The following KIF14 variants were observed in gnomAD, a reference collection of about 807,000 sequenced individuals.
KIF14 encodes kinesin-like protein KIF14.
In KIF14, 98 loss-of-function variants were observed where a neutral mutation model predicts 176.2. The ratio of observed to expected loss-of-function variants is 0.56; its 90% confidence interval spans 0.47 to 0.66. The LOEUF (loss-of-function observed/expected upper bound fraction) is 0.66, where lower values mean the gene tolerates loss of function less well. Among genes scored for constraint, KIF14 ranks in the 30% least tolerant of loss-of-function variants. The probability of loss-of-function intolerance (pLI) is 0.00; values close to 1 mark genes in which losing one functional copy is unlikely to be tolerated. For missense variants in KIF14, 1,751 were observed against 1,920.4 expected (o/e 0.91, Z 1.65); for synonymous variants, 566 against 632.2 (o/e 0.90, Z 1.57).
chr1:200,577,858 A>T (rs1419453298), intron 21 of KIF14, among the ~76,000 whole-genome samples: 1 of 152,128 alleles, frequency 6.6e-6, no homozygotes, highest in Non-Finnish European at 1.5e-5. Flanking sequence ...GTTCTAGAAT[A>T]GTTTAAACAG....
chr1:200,600,868 A>G (rs183233325), intron 11 of KIF14, among the ~76,000 whole-genome samples: 1 of 152,230 alleles, frequency 6.6e-6, no homozygotes, highest in East Asian at 1.9e-4. Flanking sequence ...AAGATCAAAG[A>G]TTTTTCAAGC....
chr1:200,600,297 G>C, intron 12 of KIF14, 59 bp downstream of exon 12: 1 of 1,538,822 alleles, frequency 6.5e-7, no homozygotes, highest in Non-Finnish European at 9.0e-7. Flanking sequence ...TGAGGTCCCT[G>C]CCATTCCTAT....
chr1:200,596,730 A>G (rs1331880991), intron 14 of KIF14, among the ~76,000 whole-genome samples: 1 of 151,436 alleles, frequency 6.6e-6, no homozygotes, highest in Non-Finnish European at 1.5e-5. Context: ...ATGCCGGGCT[A>G]ATTTTTGTAT....
intron 6 of KIF14, among the ~76,000 whole-genome samples, 200 bp downstream of exon 6, chr1:200,606,546 T>C (rs1432507218): frequency 8.5e-5 from 13 of 152,156 alleles, no homozygotes; most frequent in Non-Finnish European, 2.9e-5. Flanking sequence ...CATGCAAGTA[T>C]TAAAACAAGT....
chr1:200,618,218 T>G lies in KIF14; in HGVS notation c.506A>C (p.Asn169Thr). Residue 169 changes from asparagine (N) to threonine (T), a missense_variant, in exon 2 of 30, where the codon AAT becomes ACT. Transcript: ENST00000367350. ...AGAGGCAACAAAAGAGTTTTTAGCA[T>G]TATTTACAATCCTTACATTTGTTCT... is the stretch of plus-strand genomic sequence containing the variant. ...ESRTNVRIVN[N>T]AKNSFVASSV... 1 of 1,614,020 alleles carries G rather than the reference T, an allele frequency of 6.2e-7. No homozygotes were observed. The highest frequency in any genetic ancestry group is 1.3e-5 in the African/African-American group (1 of 75,068).
Position 200,565,034 on chromosome 1 carries a change from G to T in KIF14, c.4071+35C>A, listed in dbSNP as rs533159407. The T allele has an allele frequency of 1.3e-4, 199 of 1,498,336 alleles. 5 individuals carry two copies. In the South Asian group the frequency reaches 2.0e-3, roughly 15 times the overall value. The allele number at this position is 1,498,336 out of a possible 1,614,324, so 92.8% of individuals were successfully genotyped here. A position where few individuals can be genotyped will look rare whatever the true frequency, so the allele number is the denominator to read the frequency against. ...GAAAGCCAATAAATAATTATTAAAT[G>T]AATCCTTCAAATGATAATAAGCAAA... On this transcript the variant is annotated intron_variant, in intron 25 of 29. Transcript: ENST00000367350.
intron 2 of KIF14, 111 bp downstream of exon 2, chr1:200,617,501 T>C: frequency 9.7e-7 from 1 of 1,033,840 alleles, no homozygotes; most frequent in East Asian, 2.4e-5. Flanking sequence ...ATAAAAGTAT[T>C]GCCAACAAGT....
chr1:200,617,676 C>T lies in KIF14; in HGVS notation c.1048G>A (p.Asp350Asn). 1 of 1,614,170 alleles carries T rather than the reference C, an allele frequency of 6.2e-7. No individual in the cohort carries two copies. Among genetic ancestry groups the T allele is most frequent in the South Asian group, 1.1e-5 (1 of 91,088 alleles). Residue 350 changes from aspartate (D) to asparagine (N), a missense_variant, in exon 2 of 30, where the codon GAC becomes AAC. Asp to Asn is a conservative substitution (Grantham distance 23). Transcript: ENST00000367350. The part of the protein sequence containing the change: ...TVVQNTSAGK[D>N]PLKVENSQVT... Reference sequence around the variant, plus strand: ...TGACTATTCTCTACTTTTAAGGGGTCTTTTCCTGCAGAGGTGTTCTGAACT... The same window carrying T: ...TGACTATTCTCTACTTTTAAGGGGTTTTTTCCTGCAGAGGTGTTCTGAACT...
intron 25 of KIF14, among the ~76,000 whole-genome samples, chr1:200,564,567 A>G (rs116324008): frequency 0.011 from 1,677 of 152,274 alleles, 21 homozygotes; most frequent in African/African-American, 0.037. Context: ...CCTTGTCTCT[A>G]TGTCAGCAGA....
In KIF14 at chr1:200,553,302, CT is replaced by C; in HGVS notation, c.*85del. ...TTTTGAAATATCTGTGCTGATTTCT[CT>C]TAAACTCTCCTGCATAAAGAAAATT... On this transcript the variant is annotated 3_prime_UTR_variant, in exon 30 of 30. Coordinates refer to ENST00000367350, the MANE Select transcript of KIF14 (RefSeq NM_014875.3). 7.3e-7 allele frequency: 1 copy of C among 1,373,014 alleles called. No homozygotes were observed. Among genetic ancestry groups the C allele is most frequent in the Non-Finnish European group, 9.9e-7 (1 of 1,012,326 alleles). 85.1% of individuals were successfully genotyped at this position (1,373,014 alleles called of 1,614,324 possible). A position where few individuals can be genotyped will look rare whatever the true frequency, so the allele number is the denominator to read the frequency against.
At chr1:200,569,423 T>A (rs1179462821) in intron 23 of KIF14, among the ~76,000 whole-genome samples, 5 of 152,128 alleles carry the variant, frequency 3.3e-5, no homozygotes, top group African/African-American at 1.2e-4. Context: ...TATGCAAAAT[T>A]CAGAAGAAAC....
Position 200,554,463 on chromosome 1 carries a change from C to T in KIF14, c.4567+5G>A, listed in dbSNP as rs755806407. On this transcript the variant is annotated splice_donor_5th_base_variant and intron_variant, in intron 29 of 29. Transcript: ENST00000367350. ...TGATTATAAACTCCATTTGGAGAAT[C>T]ATACCTTTCAGTGCAGAAATAATAA... 2.0e-6 allele frequency: 3 copies of T among 1,500,132 alleles called. No individual in the cohort carries two copies. Among genetic ancestry groups the T allele is most frequent in the Non-Finnish European group, 2.7e-6 (3 of 1,091,776 alleles). The allele number at this position is 1,500,132 out of a possible 1,614,324, so 92.9% of individuals were successfully genotyped here. A position where few individuals can be genotyped will look rare whatever the true frequency, so the allele number is the denominator to read the frequency against.
intron 23 of KIF14, among the ~76,000 whole-genome samples, chr1:200,569,370 A>T (rs897882937): frequency 2.6e-5 from 4 of 152,128 alleles, no homozygotes; most frequent in African/African-American, 7.2e-5. Flanking sequence ...TTCCTTTTTT[A>T]AAAAAATTGA....
chr1:200,582,679 G>A (rs1658524501), intron 19 of KIF14, among the ~76,000 whole-genome samples: 1 of 151,974 alleles, frequency 6.6e-6, no homozygotes, highest in Non-Finnish European at 1.5e-5. Flanking sequence ...GTGAAACACT[G>A]TTTCTACTAA....
At chr1:200,581,766 T>C (rs1353527685) in intron 19 of KIF14, among the ~76,000 whole-genome samples, 9 of 143,650 alleles carry the variant, frequency 6.3e-5, no homozygotes, top group African/African-American at 2.3e-4. Context: ...CTTTCCTTTT[T>C]TTTTTTTTTT....
rs201280893 is a variant in KIF14 at position 200,583,220 on chromosome 1, G to GT, written c.3242-1927dup. The stretch of plus-strand genomic sequence containing the variant: ...TGGTATCCTGATTCAAACAAATCAA[G>GT]TTTTTTTTTTAAAAAAAGGATGAAA... On this transcript the variant is annotated intron_variant, in intron 19 of 29. Transcript: ENST00000367350. 2.0e-3 allele frequency among the ~76,000 whole-genome samples: 305 copies of GT among 150,702 alleles called. 3 individuals carry two copies. The highest frequency in any genetic ancestry group is 6.6e-3 in the African/African-American group (273 of 41,308).
intron 21 of KIF14, among the ~76,000 whole-genome samples, chr1:200,576,074 A>G (rs963646791): frequency 6.6e-6 from 1 of 152,264 alleles, no homozygotes; most frequent in African/African-American, 2.4e-5. Flanking sequence ...TATATTTTAC[A>G]TATTTAACGT....
At chr1:200,565,395 G>A (rs1315401623) in intron 24 of KIF14, 50 bp downstream of exon 24, 1 of 1,467,592 alleles carries the variant, frequency 6.8e-7, no homozygotes, top group Non-Finnish European at 9.2e-7. Context: ...AGTGCAATGT[G>A]CAGAAAATAA....
intron 3 of KIF14, among the ~76,000 whole-genome samples, 192 bp downstream of exon 3, chr1:200,615,163 G>A (rs935011061): frequency 1.3e-5 from 2 of 152,180 alleles, no homozygotes; most frequent in Admixed American, 6.5e-5. Flanking sequence ...ATTGTATCAA[G>A]GTAAATGTAT....
Sources: gnomAD v4.1 joint callset for allele counts (sites outside exome capture counted in the v4.1 genomes callset) on GRCh38, gnomAD v4.1.1 for gene constraint, MANE v1.5 for transcripts, NCBI Gene and HGNC (gene_info 2026-07-23, HGNC 2026-07-21) for gene names.